ERN1: variants seen among roughly 807,000 people sequenced by gnomAD.
ERN1 encodes the protein serine/threonine-protein kinase/endoribonuclease IRE1.
Under a neutral mutation model 113.1 loss-of-function variants are expected in ERN1, and 39 were observed. The observed-to-expected ratio is 0.34, with a 90% CI of 0.27 to 0.45. The LOEUF (loss-of-function observed/expected upper bound fraction) is 0.45. Ranked by LOEUF, ERN1 falls within the 20% of genes least tolerant of loss-of-function variation. ERN1 has a pLI of 1.00. For missense variants in ERN1, 976 were observed against 1,274.8 expected (o/e 0.77, Z 3.57); for synonymous variants, 507 against 515.9 (o/e 0.98, Z 0.23).
intron 1 of ERN1, among the ~76,000 whole-genome samples, chr17:64,111,359 T>G (rs1041829271): frequency 1.3e-5 from 2 of 148,308 alleles, no homozygotes; most frequent in Non-Finnish European, 3.0e-5. Context: ...CATCCAATGT[T>G]TTTTTTTTTT....
chr17:64,125,969 A>G (rs77886042), intron 1 of ERN1, among the ~76,000 whole-genome samples: 1,681 of 152,342 alleles, frequency 0.011, 32 homozygotes, highest in African/African-American at 0.039. Flanking sequence ...ATGTTTGTAC[A>G]TGAGCAAAGA....
intron 18 of ERN1, among the ~76,000 whole-genome samples, chr17:64,048,320 C>A (rs2143321824): frequency 6.6e-6 from 1 of 152,238 alleles, no homozygotes; most frequent in East Asian, 1.9e-4. Flanking sequence ...GAAAAACGTG[C>A]ATGCTGCAAA....
chr17:64,060,804 T>C (rs1051412856), intron 10 of ERN1, among the ~76,000 whole-genome samples: 1 of 152,178 alleles, frequency 6.6e-6, no homozygotes, highest in Non-Finnish European at 1.5e-5. Flanking sequence ...CCAAGTCTCC[T>C]ACTGAGGAGT....
At chr17:64,087,536 A>G (rs1004959479) in intron 2 of ERN1, among the ~76,000 whole-genome samples, 29 of 152,192 alleles carry the variant, frequency 1.9e-4, no homozygotes, top group Non-Finnish European at 7.3e-5. Flanking sequence ...TACCTCTAGC[A>G]GTGACTGTAA....
intron 9 of ERN1, 84 bp downstream of exon 9, chr17:64,065,125 G>T: frequency 1.2e-6 from 1 of 842,054 alleles, no homozygotes; most frequent in South Asian, 1.8e-5. Context: ...TAACCTGCAG[G>T]ATGCTCATGC....
intron 2 of ERN1, among the ~76,000 whole-genome samples, chr17:64,081,367 A>G (rs574201680): frequency 6.6e-6 from 1 of 152,330 alleles, no homozygotes; most frequent in South Asian, 2.1e-4. Flanking sequence ...TATAAAATCT[A>G]ATTTAAAGAC....
intron 1 of ERN1, among the ~76,000 whole-genome samples, chr17:64,118,196 T>C (rs189596495): frequency 1.3e-5 from 2 of 152,276 alleles, no homozygotes; most frequent in Admixed American, 1.3e-4. Context: ...ATTTTCTGGT[T>C]CCGTTGCTTT....
At chr17:64,100,970 T>C (rs1375503954) in intron 1 of ERN1, among the ~76,000 whole-genome samples, 1 of 152,080 alleles carries the variant, frequency 6.6e-6, no homozygotes, top group African/African-American at 2.4e-5. Flanking sequence ...CCAGCTAAGT[T>C]CTTGCCCTTG....
intron 17 of ERN1, among the ~76,000 whole-genome samples, chr17:64,050,734 C>T (rs1171963372): frequency 6.6e-6 from 1 of 152,166 alleles, no homozygotes; most frequent in Admixed American, 6.6e-5. Context: ...AAGACCTTAG[C>T]CTACAGCACA....
intron 1 of ERN1, among the ~76,000 whole-genome samples, chr17:64,117,616 T>C (rs1371388088): frequency 1.3e-5 from 2 of 152,166 alleles, no homozygotes; most frequent in Non-Finnish European, 2.9e-5. Context: ...AGCACCAACC[T>C]GTACATTACC....
intron 2 of ERN1, among the ~76,000 whole-genome samples, chr17:64,085,809 T>TGCCACTA (rs1336048858): frequency 6.6e-6 from 1 of 152,172 alleles, no homozygotes; most frequent in Non-Finnish European, 1.5e-5. Context: ...GCTAGGCCCC[T>TGCCACTA]GCCACTAGGA....
At chr17:64,079,582 C>T in intron 4 of ERN1, 80 bp downstream of exon 4, 2 of 1,174,464 alleles carry the variant, frequency 1.7e-6, no homozygotes, top group Non-Finnish European at 2.5e-6. Flanking sequence ...GTGGGAGACA[C>T]AGTAAGACAC....
At chr17:64,113,838 A>G (rs1237534113) in intron 1 of ERN1, among the ~76,000 whole-genome samples, 1 of 151,926 alleles carries the variant, frequency 6.6e-6, no homozygotes, top group Non-Finnish European at 1.5e-5. Flanking sequence ...GCCCACCACC[A>G]TGCCCGGCTA....
chr17:64,075,684 C>T (rs1013291772), intron 4 of ERN1, among the ~76,000 whole-genome samples: 17 of 152,224 alleles, frequency 1.1e-4, no homozygotes, highest in Non-Finnish European at 2.1e-4. Flanking sequence ...GTGCAGAGGC[C>T]CCTCAAGGTC....
At chr17:64,076,846 C>T (rs936243967) in intron 4 of ERN1, among the ~76,000 whole-genome samples, 4 of 152,154 alleles carry the variant, frequency 2.6e-5, no homozygotes, top group South Asian at 2.1e-4. Flanking sequence ...GTGATCCGCC[C>T]GCCTCGGCCT....
intron 2 of ERN1, among the ~76,000 whole-genome samples, chr17:64,085,969 C>T (rs951182788): frequency 1.3e-5 from 2 of 152,210 alleles, no homozygotes; most frequent in Admixed American, 1.3e-4. Context: ...ACTTCCTACC[C>T]TTTGTCTTCT....
At chr17:64,107,094 G>A (rs554691318) in intron 1 of ERN1, among the ~76,000 whole-genome samples, 10 of 152,116 alleles carry the variant, frequency 6.6e-5, no homozygotes, top group African/African-American at 2.2e-4. Flanking sequence ...GAGACTGTCC[G>A]ATCATGGCCA....
intron 2 of ERN1, among the ~76,000 whole-genome samples, chr17:64,097,359 C>T (rs916208880): frequency 1.3e-5 from 2 of 152,128 alleles, no homozygotes; most frequent in Non-Finnish European, 2.9e-5. Flanking sequence ...TGGCTGTGCT[C>T]GTGAAAGTAA....
chr17:64,052,570 GA>G (rs1567862051), intron 17 of ERN1, among the ~76,000 whole-genome samples: 10 of 151,096 alleles, frequency 6.6e-5, no homozygotes, highest in African/African-American at 2.4e-4. Flanking sequence ...GAAGAATAGG[GA>G]AAAAAAATAG....
Sources: gnomAD v4.1 joint callset for allele counts (sites outside exome capture counted in the v4.1 genomes callset) on GRCh38, gnomAD v4.1.1 for gene constraint, MANE v1.5 for transcripts, NCBI Gene and HGNC (gene_info 2026-07-23, HGNC 2026-07-21) for gene names.